The following PRKCE variants were observed in gnomAD, a reference collection of about 807,000 sequenced individuals.
PRKCE encodes the protein protein kinase C epsilon type.
PRKCE carries 16 observed loss-of-function variants against 85.4 expected under a neutral mutation model. The observed-to-expected ratio is 0.19, with a 90% CI of 0.13 to 0.28. The LOEUF (loss-of-function observed/expected upper bound fraction) is 0.28, where lower values mean the gene tolerates loss of function less well. PRKCE is among the 10% of genes least tolerant of loss of function. PRKCE has a pLI of 1.00. For synonymous variants in PRKCE, 388 were observed against 371.5 expected (o/e 1.04, Z -0.51); for missense variants, 573 against 975.2 (o/e 0.59, Z 5.49).
chr2:45,695,901 C>A (rs922194335), intron 1 of PRKCE, among the ~76,000 whole-genome samples: 4 of 152,172 alleles, frequency 2.6e-5, no homozygotes, highest in African/African-American at 9.7e-5. Context: ...TTATTGTACA[C>A]ATCAGTGGTT....
At chr2:46,052,644 A>G (rs1187171613) in intron 10 of PRKCE, among the ~76,000 whole-genome samples, 1 of 152,232 alleles carries the variant, frequency 6.6e-6, no homozygotes, top group Non-Finnish European at 1.5e-5. Flanking sequence ...TGACAAGCCG[A>G]TCTTAAAATT....
intron 11 of PRKCE, among the ~76,000 whole-genome samples, chr2:46,114,456 C>T (rs188247414): frequency 7.0e-5 from 9 of 128,398 alleles, no homozygotes; most frequent in Non-Finnish European, 1.1e-4. Context: ...CTTGCTCTGT[C>T]GCCCAGCCTG....
At chr2:46,170,083 T>C (rs1356826520) in intron 14 of PRKCE, among the ~76,000 whole-genome samples, 1 of 152,182 alleles carries the variant, frequency 6.6e-6, no homozygotes, top group Non-Finnish European at 1.5e-5. Context: ...AAAATTTACA[T>C]AGAATAAATG....
At chr2:46,115,656 C>G (rs1672697604) in intron 11 of PRKCE, among the ~76,000 whole-genome samples, 1 of 152,186 alleles carries the variant, frequency 6.6e-6, no homozygotes, top group Non-Finnish European at 1.5e-5. Context: ...GTGCTTGCAT[C>G]AAAGCTCCCA....
At chr2:45,657,148 T>C (rs1180766960) in intron 1 of PRKCE, among the ~76,000 whole-genome samples, 1 of 152,232 alleles carries the variant, frequency 6.6e-6, no homozygotes, top group African/African-American at 2.4e-5. Flanking sequence ...TTTGTTCTAC[T>C]GCCCTGCCTC....
chr2:45,906,604 C>T (rs946183538), intron 2 of PRKCE, among the ~76,000 whole-genome samples: 9 of 152,124 alleles, frequency 5.9e-5, no homozygotes, highest in South Asian at 4.1e-4. Context: ...ATTCCAGGGC[C>T]GTCCTTTGAT....
chr2:45,910,143 G>A (rs1697279648), intron 2 of PRKCE, among the ~76,000 whole-genome samples: 1 of 152,098 alleles, frequency 6.6e-6, no homozygotes, highest in South Asian at 2.1e-4. Context: ...ACAATGACGT[G>A]TAGTTCCATT....
At chr2:45,745,501 C>A (rs1683067742) in intron 1 of PRKCE, among the ~76,000 whole-genome samples, 1 of 152,230 alleles carries the variant, frequency 6.6e-6, no homozygotes, top group Non-Finnish European at 1.5e-5. Flanking sequence ...ACCTGGCTGT[C>A]ATTCCAGGAA....
intron 1 of PRKCE, among the ~76,000 whole-genome samples, chr2:45,742,719 G>A (rs2104656443): frequency 6.6e-6 from 1 of 152,334 alleles, no homozygotes; most frequent in Admixed American, 6.5e-5. Context: ...CAACCATTAT[G>A]AAAGACAGTA....
chr2:46,177,549 C>G (rs1011172905), intron 14 of PRKCE, among the ~76,000 whole-genome samples: 1 of 152,170 alleles, frequency 6.6e-6, no homozygotes, highest in Non-Finnish European at 1.5e-5. Context: ...GTCCCTGTGT[C>G]TCTTCCCTCT....
intron 2 of PRKCE, among the ~76,000 whole-genome samples, chr2:45,946,965 C>T (rs938089499): frequency 1.3e-5 from 2 of 152,248 alleles, no homozygotes; most frequent in Non-Finnish European, 2.9e-5. Context: ...GACCTAGACT[C>T]TATGAGATAT....
At chr2:45,963,869 GAACT>G (rs1009233261) in intron 2 of PRKCE, among the ~76,000 whole-genome samples, 3 of 152,214 alleles carry the variant, frequency 2.0e-5, no homozygotes, top group African/African-American at 4.8e-5. Flanking sequence ...GGAGTTTGAG[GAACT>G]AAAAAGTTGG....
intron 1 of PRKCE, among the ~76,000 whole-genome samples, chr2:45,677,405 G>A (rs894683393): frequency 6.9e-6 from 1 of 145,946 alleles, no homozygotes; most frequent in Admixed American, 7.1e-5. Flanking sequence ...GCCGGACTGC[G>A]GACTGCAGTG....
chr2:45,848,009 C>G (rs1346419449), intron 2 of PRKCE, among the ~76,000 whole-genome samples: 1 of 152,210 alleles, frequency 6.6e-6, no homozygotes, highest in Non-Finnish European at 1.5e-5. Flanking sequence ...TTCCTACTGA[C>G]CTGCCCTCCT....
At chr2:45,935,837 T>C (rs1244254447) in intron 2 of PRKCE, among the ~76,000 whole-genome samples, 1 of 151,906 alleles carries the variant, frequency 6.6e-6, no homozygotes, top group Non-Finnish European at 1.5e-5. Context: ...AGGTGGTGAC[T>C]TAGATGCCTT....
chr2:45,722,865 C>T (rs1680735029), intron 1 of PRKCE, among the ~76,000 whole-genome samples: 1 of 152,166 alleles, frequency 6.6e-6, no homozygotes, highest in African/African-American at 2.4e-5. Context: ...CTTTGGGAGG[C>T]CGAGGTGGGC....
chr2:46,072,435 T>C (rs1414527156), intron 10 of PRKCE, among the ~76,000 whole-genome samples: 1 of 152,222 alleles, frequency 6.6e-6, no homozygotes, highest in Non-Finnish European at 1.5e-5. Context: ...CATCATGAAA[T>C]GGTTTACTTG....
chr2:46,048,172 G>T (rs1478016079), intron 10 of PRKCE, among the ~76,000 whole-genome samples: 1 of 150,552 alleles, frequency 6.6e-6, no homozygotes, highest in African/African-American at 2.4e-5. Flanking sequence ...TAGGGGAAAA[G>T]GAGAACTAAG....
chr2:45,886,751 T>A (rs1695333147), intron 2 of PRKCE, among the ~76,000 whole-genome samples: 1 of 152,230 alleles, frequency 6.6e-6, no homozygotes, highest in African/African-American at 2.4e-5. Context: ...ACCTTTTTCT[T>A]TAAATGCCAA....
Sources: allele counts gnomAD v4.1 joint callset (sites outside exome capture counted in the v4.1 genomes callset), GRCh38; gene constraint gnomAD v4.1.1; transcripts MANE v1.5; gene names NCBI Gene and HGNC (gene_info 2026-07-23, HGNC 2026-07-21).